Variants in CSNK1G2 observed in about 807,000 individuals in gnomAD.
The protein encoded by CSNK1G2 is casein kinase 1 gamma 2, also known as casein kinase I isoform gamma-2.
In CSNK1G2, 11 loss-of-function variants were observed where a neutral mutation model predicts 48.0. The observed-to-expected ratio is 0.23, with a 90% confidence interval of 0.14 to 0.38. The LOEUF (loss-of-function observed/expected upper bound fraction) is 0.38, where lower values mean the gene tolerates loss of function less well. CSNK1G2 is among the 10% of genes least tolerant of loss of function. CSNK1G2 has a pLI of 1.00. For synonymous variants in CSNK1G2, 337 were observed against 254.1 expected (o/e 1.33, Z -3.10); for missense variants, 446 against 595.5 (o/e 0.75, Z 2.61).
At chr19:1,979,431 T>C (rs2015888794) in intron 8 of CSNK1G2, 28 bp downstream of exon 8, 2 of 938,016 alleles carry the variant, frequency 2.1e-6, no homozygotes, top group Admixed American at 2.3e-5. Context: ...CCCCGCCCTG[T>C]GCCCCCCACC....
chr19:1,944,697 T>TG (rs71174397), intron 1 of CSNK1G2, among the ~76,000 whole-genome samples: 17,301 of 142,082 alleles, frequency 0.12, 1,309 homozygotes, highest in African/African-American at 0.21. Context: ...CCTGGCTGGG[T>TG]GGGGGGGGGT....
Position 1,978,388 on chromosome 19 carries a change from A to G in CSNK1G2, c.228+43A>G. 1 of 1,599,694 alleles carries G rather than the reference A, an allele frequency of 6.3e-7. No homozygotes were observed. The highest frequency in any genetic ancestry group is 8.6e-7 in the Non-Finnish European group (1 of 1,168,106). On this transcript the variant is annotated intron_variant, in intron 3 of 11. Coordinates refer to ENST00000255641, the MANE Select transcript of CSNK1G2 (RefSeq NM_001319.7). The surrounding 1 kb of genome is among the most constrained non-coding windows in gnomAD (Gnocchi z 7.3). ...CCCCACCCCCGCTGACGTGCCCCCC[A>G]GGGATTTCAGGGCAGCGACCCGGTC...
rs1346985867 is a variant in CSNK1G2, at chr19:1,980,563, T to G, written c.*360T>G. ...GTGTGATCCTGGAGGCCCCCCGGCC[T>G]GGCCCCGCCCCGCCAGCCGCCCCCG... On this transcript the variant is annotated 3_prime_UTR_variant, in exon 12 of 12. Transcript: ENST00000255641. The G allele has an allele frequency of 9.9e-6, 3 of 304,368 alleles. No homozygotes were observed. The highest frequency in any genetic ancestry group is 1.9e-5 in the Non-Finnish European group (3 of 160,460). The allele number at this position is 304,368 out of a possible 1,614,324, so 18.9% of individuals were successfully genotyped here.
chr19:1,965,487 C>T (rs1485538479), intron 1 of CSNK1G2, among the ~76,000 whole-genome samples: 1 of 152,086 alleles, frequency 6.6e-6, no homozygotes, highest in East Asian at 1.9e-4. Flanking sequence ...CAAGATGACT[C>T]CTTGACATGT....
rs1012297569 is a variant in CSNK1G2, at chr19:1,980,804, A to G, written c.*601A>G. 4 of 152,724 alleles carry G rather than the reference A, an allele frequency of 2.6e-5. No homozygotes were observed. The highest frequency in any genetic ancestry group is 2.0e-4 in the South Asian group (1 of 4,890). 9.5% of individuals were successfully genotyped at this position (152,724 alleles called of 1,614,324 possible). On this transcript the variant is annotated 3_prime_UTR_variant, in exon 12 of 12. Coordinates refer to ENST00000255641, the MANE Select transcript of CSNK1G2 (RefSeq NM_001319.7). ...GGCCGTGGCTGAAGCCGGCTCCCCA[A>G]CCAAAATGCTGCACCAAAGCTCGGG...
Position 1,979,622 on chromosome 19 carries a change from C to G in CSNK1G2, c.981C>G (p.Tyr327Ter). ...GTGGCTTCGTGTTCGACTATGAGTA[C>G]GACTGGGCCGGGAAGCCCCTGGTAG... The part of the protein sequence containing the change: ...DRSGFVFDYE[Y>*]DWAGKPLPTP... The change falls in exon 9 of 12, where the codon TAC becomes TAG. Residue 327 changes from tyrosine to a stop codon, truncating the protein, a stop_gained. Transcript: ENST00000255641. LOFTEE classifies it high-confidence loss of function. 1 of 1,604,818 alleles carries G rather than the reference C, an allele frequency of 6.2e-7. No individual in the cohort carries two copies. Among genetic ancestry groups the G allele is most frequent in the Non-Finnish European group, 8.5e-7 (1 of 1,179,850 alleles).
chr19:1,972,930 GT>G (rs34612691), intron 2 of CSNK1G2, among the ~76,000 whole-genome samples: 24,356 of 127,978 alleles, frequency 0.19, 3,722 homozygotes, highest in African/African-American at 0.46. Flanking sequence ...CGCCTGCTTT[GT>G]TTTTTTTTTT....
Position 1,979,918 on chromosome 19 carries a change from A to C in CSNK1G2, c.1094A>C (p.Asn365Thr), listed in dbSNP as rs1448303896. 1.0e-5 allele frequency: 16 copies of C among 1,607,076 alleles called. No individual in the cohort carries two copies. The highest frequency in any genetic ancestry group is 1.3e-5 in the African/African-American group (1 of 74,866). Residue 365 changes from asparagine (N) to threonine (T), a missense_variant, in exon 11 of 12, where the codon AAC (asparagine) becomes ACC (threonine). Asn to Thr is a moderately conservative substitution (Grantham distance 65). Around this residue, in one of 2 missense-constraint regions of CSNK1G2, gnomAD observed 188 missense variants for 179.6 expected, o/e 1.05. Transcript: ENST00000255641. ...CCCTACTGCCCCCACCAGGCGTTGA[A>C]CTCCACCAACGGGGAGCTGAATGCG... is the stretch of plus-strand genomic sequence containing the variant. ...TQPHSKNQAL[N>T]STNGELNADD...
At chr19:1,943,669 G>A (rs985231492) in intron 1 of CSNK1G2, among the ~76,000 whole-genome samples, 1 of 152,178 alleles carries the variant, frequency 6.6e-6, no homozygotes, top group Non-Finnish European at 1.5e-5. Flanking sequence ...GCGCGCCCGA[G>A]TGGCAGACTC....
intron 1 of CSNK1G2, among the ~76,000 whole-genome samples, chr19:1,967,242 C>T (rs1006442069): frequency 2.1e-4 from 32 of 152,126 alleles, no homozygotes; most frequent in Non-Finnish European, 7.3e-5. Flanking sequence ...CTTGTGACGC[C>T]GGTGCCTTCG....
chr19:1,978,366 C>T lies in CSNK1G2; in HGVS notation c.228+21C>T. On this transcript the variant is annotated intron_variant, in intron 3 of 11. Coordinates refer to ENST00000255641, the MANE Select transcript of CSNK1G2 (RefSeq NM_001319.7). This position sits in a 1 kb window ranked among gnomAD's most constrained non-coding sequence, Gnocchi z 7.3. ...AATTGGTGAGTCGGCCCCTCCACCC[C>T]ACCCCCGCTGACGTGCCCCCCAGGG... 6.2e-7 allele frequency: 1 copy of T among 1,612,896 alleles called. No homozygotes were observed. The highest frequency in any genetic ancestry group is 1.1e-5 in the South Asian group (1 of 91,082).
At chr19:1,964,220 G>T (rs1487262758) in intron 1 of CSNK1G2, among the ~76,000 whole-genome samples, 1 of 151,830 alleles carries the variant, frequency 6.6e-6, no homozygotes, top group Non-Finnish European at 1.5e-5. Flanking sequence ...TTGGGCCCAG[G>T]AGGTCGAGGC....
rs1376670233 is a variant in CSNK1G2 at position 1,957,563 on chromosome 19, C to T, written c.-265-11945C>T. 6.6e-6 allele frequency among the ~76,000 whole-genome samples: 1 copy of T among 152,218 alleles called. No homozygotes were observed. Among genetic ancestry groups the T allele is most frequent in the East Asian group, 1.9e-4 (1 of 5,194 alleles). ...GTTTGTCCTCACTGAGGGAGCCGAG[C>T]AGATGCCTTTGCCCCTGCAGGTCCC... On this transcript the variant is annotated intron_variant, in intron 1 of 11. Transcript: ENST00000255641. The surrounding 1 kb of genome is among the most constrained non-coding windows in gnomAD (Gnocchi z 5.4).
intron 1 of CSNK1G2, among the ~76,000 whole-genome samples, chr19:1,947,815 G>A (rs2014617164): frequency 6.6e-6 from 1 of 152,184 alleles, no homozygotes; most frequent in African/African-American, 2.4e-5. Context: ...GCCGTGGAGA[G>A]GGGCGCTGTG....
chr19:1,943,822 C>A (rs1450375487), intron 1 of CSNK1G2, among the ~76,000 whole-genome samples: 2 of 152,244 alleles, frequency 1.3e-5, no homozygotes, highest in African/African-American at 4.8e-5. Flanking sequence ...GCACCCCCCA[C>A]CGAGCTGCCC....
In CSNK1G2 at chr19:1,978,890, G is replaced by A; in HGVS notation, c.479G>A (p.Ser160Asn). The A allele has an allele frequency of 3.1e-6, 5 of 1,603,264 alleles. No homozygotes were observed. Among genetic ancestry groups the A allele is most frequent in the Non-Finnish European group, 3.4e-6 (4 of 1,179,536 alleles). Residue 160 changes from serine (S) to asparagine (N), a missense_variant, in exon 6 of 12, where the codon AGC becomes AAC. Transcript: ENST00000255641. This position sits in a 1 kb window ranked among gnomAD's most constrained non-coding sequence, Gnocchi z 7.3. ...CGCATGGAGTATGTGCACACCAAGA[G>A]CCTAATCTACCGGGACGTGAAGCCC... ...ITRMEYVHTK[S>N]LIYRDVKPEN...
chr19:1,948,095 G>C (rs1599888), intron 1 of CSNK1G2, among the ~76,000 whole-genome samples: 91,103 of 152,132 alleles, frequency 0.6, 28,349 homozygotes, highest in Non-Finnish European at 0.69. Flanking sequence ...GGCTTCGGGG[G>C]GCGGCCCCGC....
intron 1 of CSNK1G2, among the ~76,000 whole-genome samples, chr19:1,942,069 G>A (rs1174371908): frequency 2.6e-5 from 4 of 152,232 alleles, no homozygotes; most frequent in African/African-American, 7.2e-5. Flanking sequence ...GTGGTGGGGG[G>A]GAGGAAGGTG....
In CSNK1G2 at chr19:1,974,038, T is replaced by C. The variant is rs562278868; in HGVS notation, c.187+4079T>C. On this transcript the variant is annotated intron_variant, in intron 2 of 11. Transcript: ENST00000255641. ...GAGTAGCTGGGATTACAGGCGCCCG[T>C]CACCACACCCAGCTAATTTTTGTAT... Among the ~76,000 whole-genome samples the C allele has an allele frequency of 3.9e-5, 6 of 151,960 alleles. No homozygotes were observed. The South Asian group carries it at 6.2e-4, about 16-fold the overall frequency.
Sources: gnomAD v4.1 joint callset for allele counts (sites outside exome capture counted in the v4.1 genomes callset) on GRCh38, gnomAD v4.1.1 for gene constraint, gnomAD v4.1.1 regional missense constraint, Gnocchi (gnomAD v3.1) non-coding constraint, MANE v1.5 for transcripts, NCBI Gene and HGNC (gene_info 2026-07-23, HGNC 2026-07-21) for gene names.